The following ADGRL1 variants were observed in gnomAD, a reference collection of about 807,000 sequenced individuals.
ADGRL1 encodes the protein adhesion G protein-coupled receptor L1, also known as CIRL-1.
ADGRL1 carries 31 observed loss-of-function variants against 148.9 expected under a neutral mutation model. The ratio of observed to expected loss-of-function variants is 0.21; its 90% CI spans 0.16 to 0.28. ADGRL1 has a LOEUF of 0.28. ADGRL1 is among the 10% of genes least tolerant of loss of function. ADGRL1 has a pLI of 1.00. For missense variants in ADGRL1, 1,521 were observed against 2,058.8 expected (o/e 0.74, Z 5.05); for synonymous variants, 937 against 900.3 (o/e 1.04, Z -0.73).
At chr19:14,153,446 T>A (rs890663170) in intron 18 of ADGRL1, among the ~76,000 whole-genome samples, 2 of 146,726 alleles carry the variant, frequency 1.4e-5, no homozygotes, top group Admixed American at 1.4e-4. Flanking sequence ...GATGGAATCT[T>A]GCACTGTCAC....
Position 14,159,283 on chromosome 19 carries a change from CAG to C in ADGRL1, c.2024-70_2024-69del. 1 of 1,586,844 alleles carries C rather than the reference CAG, an allele frequency of 6.3e-7. No individual in the cohort carries two copies. Among genetic ancestry groups the C allele is most frequent in the Non-Finnish European group, 8.6e-7 (1 of 1,162,534 alleles). On this transcript the variant is annotated intron_variant, in intron 10 of 22. Transcript: ENST00000361434. The surrounding 1 kb of genome is among the most constrained non-coding windows in gnomAD (Gnocchi z 6.0). Reference sequence around the variant, plus strand: ...GTTCCCAGTCCAGGGGCTCAGGCTGCAGAACGAGACTCTGGCAAGATGCCCAA... The same window carrying C: ...GTTCCCAGTCCAGGGGCTCAGGCTGCAACGAGACTCTGGCAAGATGCCCAA...
At position 14,152,580 on chromosome 19, in the gene ADGRL1, TCA is replaced by T; in HGVS notation, c.3455_3456del (p.Val1152GlufsTer12). ...ATGAAGGAGGACTCCGTCTGTTTCCTCACAGTGTCATTCCACATCCTCCGAAT... is the reference window on the plus strand; with the variant it reads ...ATGAAGGAGGACTCCGTCTGTTTCCTCAGTGTCATTCCACATCCTCCGAAT... ...SRIRRMWNDT[V>X]RKQTESSFMA... On this transcript the variant is annotated frameshift_variant, in exon 20 of 23. Coordinates refer to ENST00000361434, the MANE Select transcript of ADGRL1 (RefSeq NM_014921.5). LOFTEE classifies it high-confidence loss of function. This position sits in a 1 kb window ranked among gnomAD's most constrained non-coding sequence, Gnocchi z 6.1. 6.2e-7 allele frequency: 1 copy of T among 1,614,108 alleles called. No homozygotes were observed.
intron 4 of ADGRL1, chr19:14,167,086 GAAAA>G: frequency 2.9e-6 from 4 of 1,378,456 alleles, no homozygotes; most frequent in Non-Finnish European, 4.1e-6. Context: ...AAATGTGCAA[GAAAA>G]AAAGAGAAAA....
In ADGRL1 at chr19:14,160,001, G is replaced by T; in HGVS notation, c.1800+111C>A. 8.2e-7 allele frequency: 1 copy of T among 1,218,710 alleles called. No individual in the cohort carries two copies. Among genetic ancestry groups the T allele is most frequent in the Non-Finnish European group, 1.1e-6 (1 of 883,128 alleles). The allele number at this position is 1,218,710 out of a possible 1,614,324, so 75.5% of individuals were successfully genotyped here. A position where few individuals can be genotyped will look rare whatever the true frequency, so the allele number is the denominator to read the frequency against. ...GAGGGGGGGGTCCTTCCTCTCTGAGGAAAGGAGTGGAGGTGGCAGCCTGGC... is the reference window on the plus strand; with the variant it reads ...GAGGGGGGGGTCCTTCCTCTCTGAGTAAAGGAGTGGAGGTGGCAGCCTGGC... On this transcript the variant is annotated intron_variant, in intron 8 of 22. Coordinates refer to ENST00000361434, the MANE Select transcript of ADGRL1 (RefSeq NM_014921.5). The surrounding 1 kb of genome is among the most constrained non-coding windows in gnomAD (Gnocchi z 5.9).
In ADGRL1 at chr19:14,152,027, T is replaced by C. The variant is rs946365887; in HGVS notation, c.3667+106A>G. ...GTCGGGGGGTGGGGAAATGTGGGCA[T>C]GGGGAGGCATCCCGAGTTCTCCTCC... is the stretch of plus-strand genomic sequence containing the variant. On this transcript the variant is annotated intron_variant, in intron 22 of 22. Transcript: ENST00000361434. The surrounding 1 kb of genome is among the most constrained non-coding windows in gnomAD (Gnocchi z 6.1). The C allele has an allele frequency of 6.9e-6, 7 of 1,020,168 alleles. No individual in the cohort carries two copies. Among genetic ancestry groups the C allele is most frequent in the African/African-American group, 6.3e-5 (4 of 63,334 alleles). The allele number at this position is 1,020,168 out of a possible 1,614,324, so 63.2% of individuals were successfully genotyped here.
At chr19:14,187,191 T>C (rs1971624612) in intron 1 of ADGRL1, among the ~76,000 whole-genome samples, 1 of 151,916 alleles carries the variant, frequency 6.6e-6, no homozygotes. Context: ...ACCAAAAAAT[T>C]AGCCGGGCGT....
chr19:14,164,687 C>T (rs1568590801), intron 4 of ADGRL1: 1 of 151,266 alleles, frequency 6.6e-6, no homozygotes. Context: ...TGGGGGGCCC[C>T]GCCCCACCCC....
At chr19:14,196,132 C>A (rs1389415325) in intron 1 of ADGRL1, among the ~76,000 whole-genome samples, 2 of 152,220 alleles carry the variant, frequency 1.3e-5, no homozygotes, top group African/African-American at 4.8e-5. Context: ...ATCTATCTGC[C>A]ACCCCTGTCC....
At chr19:14,164,140 T>C (rs1289178423) in intron 4 of ADGRL1, among the ~76,000 whole-genome samples, 3 of 151,580 alleles carry the variant, frequency 2.0e-5, no homozygotes, top group Admixed American at 1.3e-4. Context: ...AGGAAGGGAT[T>C]CCCAGAGGCA....
At chr19:14,156,356 G>A (rs1415294321) in intron 16 of ADGRL1, among the ~76,000 whole-genome samples, 155 bp from the exon 17 acceptor site, 3 of 152,070 alleles carry the variant, frequency 2.0e-5, no homozygotes, top group African/African-American at 7.3e-5. Context: ...GCTGTGCAGC[G>A]GTGAGCTGAT....
At chr19:14,165,206 G>A (rs1969839079) in intron 4 of ADGRL1, among the ~76,000 whole-genome samples, 1 of 152,254 alleles carries the variant, frequency 6.6e-6, no homozygotes, top group South Asian at 2.1e-4. Context: ...TGTAGAGGGA[G>A]AGGAGCCTGG....
At chr19:14,191,221 T>G (rs576601454) in intron 1 of ADGRL1, 13 of 456,614 alleles carry the variant, frequency 2.8e-5, no homozygotes, top group Non-Finnish European at 5.3e-5. Context: ...TGTCCCCATC[T>G]GTGTCCCTCA....
At chr19:14,199,359 G>A (rs1477199915) in intron 1 of ADGRL1, among the ~76,000 whole-genome samples, 5 of 152,104 alleles carry the variant, frequency 3.3e-5, no homozygotes, top group African/African-American at 1.2e-4. Context: ...TAGCGTACCA[G>A]TGTTGTGAAA....
intron 1 of ADGRL1, among the ~76,000 whole-genome samples, chr19:14,190,069 G>A (rs570644562): frequency 1.5e-4 from 23 of 152,158 alleles, no homozygotes; most frequent in Non-Finnish European, 2.8e-4. Context: ...CCGGGGCTAC[G>A]GGTGGGCACC....
chr19:14,189,004 G>A (rs554490885), intron 1 of ADGRL1, among the ~76,000 whole-genome samples: 28 of 152,072 alleles, frequency 1.8e-4, no homozygotes, highest in Middle Eastern at 3.4e-3. Flanking sequence ...CACCCGCCTC[G>A]GCCTCCCAAC....
chr19:14,156,244 G>T, intron 16 of ADGRL1, 43 bp from the exon 17 acceptor site: 1 of 1,458,626 alleles, frequency 6.9e-7, no homozygotes, highest in Non-Finnish European at 9.6e-7. Flanking sequence ...GAGTGGCCCT[G>T]CCTCCCTCAG....
rs1599374437 is a variant in ADGRL1 at position 14,150,227 on chromosome 19, T to C, written c.*646A>G. ...TGCACTGGGAGGCAGAGGGGGCAGG[T>C]TTGCTTGCGGGGCAGGGACCAAGAG... On this transcript the variant is annotated 3_prime_UTR_variant, in exon 23 of 23. Transcript: ENST00000361434. 6.6e-6 allele frequency: 1 copy of C among 152,614 alleles called. No individual in the cohort carries two copies. Among genetic ancestry groups the C allele is most frequent in the Non-Finnish European group, 1.5e-5 (1 of 68,118 alleles). 9.5% of individuals were successfully genotyped at this position (152,614 alleles called of 1,614,324 possible). A position where few individuals can be genotyped will look rare whatever the true frequency, so the allele number is the denominator to read the frequency against.
In ADGRL1 at chr19:14,161,486, C is replaced by G; in HGVS notation, c.1336G>C (p.Gly446Arg). ...THPVGAINQL[G>R]PDLPPATAPV... is the part of the protein sequence containing the mutation. ...GCTGTGGCTGGAGGCAGATCAGGTC[C>G]CAGCTGGTTGATGGCACCCACTGGG... The change falls in exon 6 of 23, where the codon GGA (glycine) becomes CGA (arginine). Residue 446 changes from glycine to arginine, a missense_variant. By Grantham distance (125) the Gly-to-Arg change is moderately radical. Around this residue, in one of 8 missense-constraint regions of ADGRL1, gnomAD observed 270 missense variants for 320.4 expected, o/e 0.84. Coordinates refer to ENST00000361434, the MANE Select transcript of ADGRL1 (RefSeq NM_014921.5). The surrounding 1 kb of genome is among the most constrained non-coding windows in gnomAD (Gnocchi z 4.4). The G allele has an allele frequency of 6.9e-7, 1 of 1,442,316 alleles. No homozygotes were observed. The highest frequency in any genetic ancestry group is 9.1e-7 in the Non-Finnish European group (1 of 1,096,064). The allele number at this position is 1,442,316 out of a possible 1,614,324, so 89.3% of individuals were successfully genotyped here.
chr19:14,166,088 G>T (rs1969930608), intron 4 of ADGRL1, among the ~76,000 whole-genome samples: 1 of 152,068 alleles, frequency 6.6e-6, no homozygotes, highest in Non-Finnish European at 1.5e-5. Context: ...GAAGTCCCCA[G>T]ACTGTGCCCC....
Sources: allele counts gnomAD v4.1 joint callset (sites outside exome capture counted in the v4.1 genomes callset), GRCh38; gene constraint gnomAD v4.1.1; regional missense constraint gnomAD v4.1.1; non-coding constraint Gnocchi (gnomAD v3.1); transcripts MANE v1.5; gene names NCBI Gene and HGNC (gene_info 2026-07-23, HGNC 2026-07-21).